PIBF1: variants seen among roughly 807,000 people sequenced by gnomAD.
The protein encoded by PIBF1 is progesterone-induced-blocking factor 1.
Under a neutral mutation model 112.5 loss-of-function variants are expected in PIBF1, and 90 were observed. The observed-to-expected ratio is 0.80, with a 90% CI of 0.67 to 0.95. The LOEUF is 0.95. Among genes scored for constraint, PIBF1 ranks in the 40% least tolerant of loss-of-function variants. The pLI is 0.00. For synonymous variants in PIBF1, 301 were observed against 288.6 expected (o/e 1.04, Z -0.44); for missense variants, 915 against 852.3 (o/e 1.07, Z -0.92).
At chr13:72,881,488 C>T (rs1195000557) in intron 10 of PIBF1, among the ~76,000 whole-genome samples, 1 of 152,020 alleles carries the variant, frequency 6.6e-6, no homozygotes, top group Non-Finnish European at 1.5e-5. Context: ...GAGGCCAAGG[C>T]GGGTGGATCA....
At chr13:72,786,432 C>A (rs2034599763) in intron 2 of PIBF1, among the ~76,000 whole-genome samples, 1 of 152,262 alleles carries the variant, frequency 6.6e-6, no homozygotes, top group Non-Finnish European at 1.5e-5. Context: ...GAATGTGTAT[C>A]TTTTAACTTT....
Position 72,783,504 on chromosome 13 carries a change from T to G in PIBF1, c.35T>G (p.Val12Gly). 2 of 1,606,886 alleles carry G rather than the reference T, an allele frequency of 1.2e-6. No homozygotes were observed. Among genetic ancestry groups the G allele is most frequent in the Non-Finnish European group, 1.7e-6 (2 of 1,176,182 alleles). The change falls in exon 2 of 18, where the codon GTG (valine) becomes GGG (glycine). Residue 12 changes from valine to glycine, a missense_variant. Physicochemically the swap from Val to Gly is moderately radical, Grantham distance 109. Coordinates refer to ENST00000326291, the MANE Select transcript of PIBF1 (RefSeq NM_006346.4). ...AAAATTTCAAAGGAGTCAAAAAAAG[T>G]GAACATCTCTAGTTCTCTGGAATCT... is the stretch of plus-strand genomic sequence containing the variant. ...SRKISKESKKVNISSSLESED... is the reference protein window; with the variant it reads ...SRKISKESKKGNISSSLESED...
chr13:72,843,414 GA>G lies in PIBF1; in HGVS notation c.1223+8048del, dbSNP rs544742214. ...TGATAAGGCATGGCCATTAGCTCCA[GA>G]ATGCAGACTTTTTGAGACAGAGTTT... On this transcript the variant is annotated intron_variant, in intron 9 of 17. Transcript: ENST00000326291. Among the ~76,000 whole-genome samples, 23 of 152,270 alleles carry G rather than the reference GA, an allele frequency of 1.5e-4. No homozygotes were observed. The South Asian group carries it at 4.8e-3, about 32-fold the overall frequency.
At chr13:72,903,501 A>G (rs1196970040) in intron 11 of PIBF1, among the ~76,000 whole-genome samples, 3 of 152,206 alleles carry the variant, frequency 2.0e-5, no homozygotes, top group East Asian at 1.9e-4. Context: ...CAAATATTCT[A>G]TATCTGCAAT....
chr13:72,897,677 C>CA lies in PIBF1; in HGVS notation c.1488+3736dup, dbSNP rs764777732. ...CAGGGGTAGCTATTCTTACATCAGACAAAAAAAACTTTAAAGCAACAGTGG... is the reference window on the plus strand; with the variant it reads ...CAGGGGTAGCTATTCTTACATCAGACAAAAAAAAACTTTAAAGCAACAGTGG... On this transcript the variant is annotated intron_variant, in intron 11 of 17. Transcript: ENST00000326291. Among the ~76,000 whole-genome samples, 11 of 151,700 alleles carry CA rather than the reference C, an allele frequency of 7.3e-5. No individual in the cohort carries two copies. In the East Asian group the frequency reaches 7.8e-4, roughly 11 times the overall value.
At chr13:72,822,213 A>G (rs2036589790) in intron 6 of PIBF1, among the ~76,000 whole-genome samples, 1 of 152,194 alleles carries the variant, frequency 6.6e-6, no homozygotes, top group Non-Finnish European at 1.5e-5. Context: ...ATAGAAACCC[A>G]GTAAAATCAC....
chr13:72,964,906 A>C (rs545618098), intron 14 of PIBF1, among the ~76,000 whole-genome samples: 7 of 152,132 alleles, frequency 4.6e-5, no homozygotes, highest in Admixed American at 1.3e-4. Context: ...TACTAAAATT[A>C]CAAAAATTAG....
chr13:72,878,120 A>AT (rs140484902), intron 10 of PIBF1, among the ~76,000 whole-genome samples: 15,720 of 144,918 alleles, frequency 0.11, 2,314 homozygotes, highest in African/African-American at 0.34. Flanking sequence ...GGTTTTATTG[A>AT]TTTTTTTTTT....
intron 5 of PIBF1, among the ~76,000 whole-genome samples, chr13:72,810,724 T>C (rs1326358238): frequency 1.3e-5 from 2 of 152,216 alleles, no homozygotes; most frequent in African/African-American, 4.8e-5. Context: ...CCTAGAATGC[T>C]TAACAAATTA....
intron 10 of PIBF1, among the ~76,000 whole-genome samples, chr13:72,860,308 GGTGTGTGTGTGT>G (rs3219561): frequency 0.02 from 2,861 of 143,154 alleles, 79 homozygotes; most frequent in African/African-American, 0.061. Flanking sequence ...TTTTTTTAGG[GGTGTGTGTGTGT>G]GTGTGTGTGT....
rs762111754 is a variant in PIBF1 at position 72,827,040 on chromosome 13, T to C, written c.837T>C (p.Ile279=). 1 of 1,600,730 alleles carries C rather than the reference T, an allele frequency of 6.2e-7. No homozygotes were observed. Among genetic ancestry groups the C allele is most frequent in the South Asian group, 1.1e-5 (1 of 88,506 alleles). ...SERDALEQEV[I]ELRRKHEILE... is the part of the protein sequence containing the mutation. ...GTGATGCACTTGAACAGGAAGTAAT[T>C]GAGCTTAGGAGAAAACATGAAATAC... The change falls in exon 7 of 18, where the codon ATT becomes ATC. Residue 279 remains isoleucine, a synonymous_variant. Transcript: ENST00000326291.
At chr13:72,788,745 C>A (rs537090868) in intron 2 of PIBF1, among the ~76,000 whole-genome samples, 1 of 152,260 alleles carries the variant, frequency 6.6e-6, no homozygotes, top group Non-Finnish European at 1.5e-5. Context: ...CATGTTGTTA[C>A]TAATAAAAAC....
At chr13:72,805,804 C>T (rs1249460615) in intron 5 of PIBF1, among the ~76,000 whole-genome samples, 1 of 152,156 alleles carries the variant, frequency 6.6e-6, no homozygotes, top group Non-Finnish European at 1.5e-5. Flanking sequence ...AAACTAAAGA[C>T]CTCCACACTT....
intron 16 of PIBF1, among the ~76,000 whole-genome samples, chr13:72,986,983 GC>G (rs1205472196): frequency 6.6e-6 from 1 of 152,098 alleles, no homozygotes; most frequent in African/African-American, 2.4e-5. Flanking sequence ...GAGCCACCGC[GC>G]CCGGCCTCTG....
At chr13:73,000,332 C>G (rs1467857849) in intron 17 of PIBF1, among the ~76,000 whole-genome samples, 5 of 152,178 alleles carry the variant, frequency 3.3e-5, no homozygotes, top group Non-Finnish European at 7.3e-5. Flanking sequence ...ATGTAGTTCT[C>G]CCTGTATTTT....
At position 72,937,267 on chromosome 13, in the gene PIBF1, AT is replaced by A. The variant is rs553811549; in HGVS notation, c.1833+6007del. Among the ~76,000 whole-genome samples, 223 of 151,872 alleles carry A rather than the reference AT, an allele frequency of 1.5e-3. 3 individuals carry two copies. Among genetic ancestry groups the A allele is most frequent in the African/African-American group, 5.1e-3 (211 of 41,428 alleles). ...TCTTGTCTTCTTTTGGATTAATTGA[AT>A]TTTTTTATTTCATTTTATCTTATTG... On this transcript the variant is annotated intron_variant, in intron 14 of 17. Coordinates refer to ENST00000326291, the MANE Select transcript of PIBF1 (RefSeq NM_006346.4).
chr13:72,862,288 ATAAG>A (rs1451367057), intron 10 of PIBF1, among the ~76,000 whole-genome samples: 1 of 152,222 alleles, frequency 6.6e-6, no homozygotes, highest in Non-Finnish European at 1.5e-5. Flanking sequence ...TCTGCGCAAA[ATAAG>A]TAAGTCATTT....
intron 9 of PIBF1, among the ~76,000 whole-genome samples, chr13:72,848,188 T>C (rs746986640): frequency 2.0e-5 from 3 of 152,218 alleles, no homozygotes; most frequent in Non-Finnish European, 4.4e-5. Context: ...GGATGTTTAT[T>C]CAGGCTCAGA....
chr13:72,871,562 C>CT (rs2039167826), intron 10 of PIBF1, among the ~76,000 whole-genome samples: 1 of 152,126 alleles, frequency 6.6e-6, no homozygotes, highest in African/African-American at 2.4e-5. Flanking sequence ...CCTCGGCCTC[C>CT]TAAAGTGCTG....
Sources: allele counts gnomAD v4.1 joint callset (sites outside exome capture counted in the v4.1 genomes callset), GRCh38; gene constraint gnomAD v4.1.1; transcripts MANE v1.5; gene names NCBI Gene and HGNC (gene_info 2026-07-23, HGNC 2026-07-21).